Variants in C1orf159 observed in about 807,000 individuals in gnomAD.
C1orf159 encodes the protein uncharacterized protein C1orf159.
C1orf159 carries 19 observed loss-of-function variants against 25.6 expected under a neutral mutation model. The ratio of observed to expected loss-of-function variants is 0.74; its 90% CI spans 0.52 to 1.09. The LOEUF is 1.09. Ranked by LOEUF, C1orf159 falls within the 50% of genes least tolerant of loss-of-function variation. The pLI, the probability that C1orf159 is intolerant of heterozygous loss-of-function variation, is 0.00. For synonymous variants in C1orf159, 139 were observed against 124.7 expected, an observed-to-expected ratio of 1.12 and a Z score of -0.77; for missense variants, 274 against 290.6, an observed-to-expected ratio of 0.94 and a Z score of 0.42.
chr1:1,091,707 G>T (rs1232699302), intron 2 of C1orf159, 142 bp from the exon 3 acceptor site: 4 of 624,884 alleles, frequency 6.4e-6, no homozygotes, highest in Non-Finnish European at 1.2e-5. Context: ...GGAGATGGGT[G>T]GGGCTGTGGT....
chr1:1,093,410 A>T (rs1645967533), intron 1 of C1orf159, among the ~76,000 whole-genome samples: 1 of 152,232 alleles, frequency 6.6e-6, no homozygotes, highest in Non-Finnish European at 1.5e-5. Context: ...ACATCCGTGT[A>T]AAGTACACAA....
intron 1 of C1orf159, chr1:1,092,460 AC>A (rs1645955443): frequency 6.5e-6 from 1 of 154,792 alleles, no homozygotes; most frequent in Non-Finnish European, 1.4e-5. Context: ...CAGCCACAGG[AC>A]CTGTTACCAT....
Position 1,091,475 on chromosome 1 carries a change from G to C in C1orf159, c.69C>G (p.Asn23Lys). 6.5e-7 allele frequency: 1 copy of C among 1,550,372 alleles called. No individual in the cohort carries two copies. The change falls in exon 3 of 10, where the codon AAC (asparagine) becomes AAG (lysine). Residue 23 changes from asparagine to lysine, a missense_variant. By Grantham distance (94) the Asn-to-Lys change is moderately conservative. Transcript: ENST00000421241. ...LVGVASKSME[N>K]TAQLPECCVD... ...GACACGTGAGGGGGGCACCTACCGT[G>C]TTCTCCATGGACTTGCTGGCGACTC...
rs1381309796 is a variant in C1orf159 at position 1,087,869 on chromosome 1, G to A, written c.149-272C>T. ...TGCACTCTCCACGCCGAGCACCCCG[G>A]CCCCGAGTACTCCACGCTGCACTCT... On this transcript the variant is annotated intron_variant, in intron 4 of 9. Transcript: ENST00000421241. This position sits in a 1 kb window ranked among gnomAD's most constrained non-coding sequence, Gnocchi z 8.3. 1.4e-5 allele frequency among the ~76,000 whole-genome samples: 2 copies of A among 147,486 alleles called. No homozygotes were observed. Among genetic ancestry groups the A allele is most frequent in the African/African-American group, 2.5e-5 (1 of 40,210 alleles).
chr1:1,086,034 CAGACGGGCAGGACGG>C lies in C1orf159; in HGVS notation c.311-37_311-23del, dbSNP rs781618896. On this transcript the variant is annotated intron_variant, in intron 6 of 9. Coordinates refer to ENST00000421241, the MANE Select transcript of C1orf159 (RefSeq NM_017891.5). ...GCCCCTGCAAACAGACACCGCTGAG[CAGACGGGCAGGACGG>C]TGGCCCTGGCTCCTCGCCTGGCCCC... 13 of 1,611,594 alleles carry C rather than the reference CAGACGGGCAGGACGG, an allele frequency of 8.1e-6. No individual in the cohort carries two copies. In the Middle Eastern group the frequency reaches 6.8e-4, roughly 84 times the overall value.
At chr1:1,098,695 T>TGAAG (rs1646044890) in intron 1 of C1orf159, among the ~76,000 whole-genome samples, 9 of 152,146 alleles carry the variant, frequency 5.9e-5, no homozygotes, top group Admixed American at 5.9e-4. Context: ...CTCGGGTCAC[T>TGAAG]CCGTCTTTTG....
Position 1,087,018 on chromosome 1 carries a change from G to A in C1orf159, c.310+121C>T. On this transcript the variant is annotated intron_variant, in intron 6 of 9. Coordinates refer to ENST00000421241, the MANE Select transcript of C1orf159 (RefSeq NM_017891.5). This position sits in a 1 kb window ranked among gnomAD's most constrained non-coding sequence, Gnocchi z 8.3. The stretch of plus-strand genomic sequence containing the variant: ...TGCAGGGGCTGCCACGCTCCCCTCT[G>A]GCTGTTTTGCAGAACCCTGAGCCTG... 1 of 1,023,198 alleles carries A rather than the reference G, an allele frequency of 9.8e-7. No homozygotes were observed. The highest frequency in any genetic ancestry group is 2.6e-5 in the East Asian group (1 of 37,834). The allele number at this position is 1,023,198 out of a possible 1,614,324, so 63.4% of individuals were successfully genotyped here.
intron 1 of C1orf159, among the ~76,000 whole-genome samples, chr1:1,107,114 A>AT (rs1646185622): frequency 6.6e-6 from 1 of 152,160 alleles, no homozygotes. Context: ...GCGGCACCCG[A>AT]TCCCATCAAC....
intron 1 of C1orf159, among the ~76,000 whole-genome samples, chr1:1,103,168 A>G (rs982873603): frequency 2.6e-5 from 4 of 152,170 alleles, no homozygotes; most frequent in Admixed American, 6.5e-5. Context: ...TTGACCTAAA[A>G]TTCCCATTTG....
At chr1:1,091,350 C>A (rs1351321543) in intron 3 of C1orf159, 122 bp downstream of exon 3, 4 of 982,608 alleles carry the variant, frequency 4.1e-6, no homozygotes, top group Middle Eastern at 2.1e-4. Flanking sequence ...CTGGTCAGCA[C>A]CTCTGGGGCT....
At chr1:1,114,479 G>C (rs542765310) in intron 1 of C1orf159, among the ~76,000 whole-genome samples, 40 of 152,338 alleles carry the variant, frequency 2.6e-4, no homozygotes, top group Non-Finnish European at 4.4e-4. Context: ...CAGGTGGAGA[G>C]CAGCCGCAAG....
In C1orf159 at chr1:1,089,200, A is replaced by G. The variant is rs1322035034; in HGVS notation, c.148+1153T>C. ...GACGGTCCCCACCCTGCGCCTGTGC[A>G]TGGGGCCACCTCGGCCCTTGGACTT... On this transcript the variant is annotated intron_variant, in intron 4 of 9. Transcript: ENST00000421241. The surrounding 1 kb of genome is among the most constrained non-coding windows in gnomAD (Gnocchi z 7.5). Among the ~76,000 whole-genome samples, 3 of 152,042 alleles carry G rather than the reference A, an allele frequency of 2.0e-5. No individual in the cohort carries two copies. Among genetic ancestry groups the G allele is most frequent in the African/African-American group, 4.8e-5 (2 of 41,406 alleles).
intron 1 of C1orf159, among the ~76,000 whole-genome samples, chr1:1,095,487 A>G (rs1021757728): frequency 2.6e-5 from 4 of 152,248 alleles, no homozygotes; most frequent in Non-Finnish European, 4.4e-5. Context: ...TGCTGCTACT[A>G]TATAACGATA....
At chr1:1,086,047 C>CG in intron 6 of C1orf159, 35 bp from the exon 7 acceptor site, 2 of 1,608,238 alleles carry the variant, frequency 1.2e-6, no homozygotes. Context: ...ACGGGCAGGA[C>CG]GGTGGCCCTG....
Position 1,115,453 on chromosome 1 carries a change from C to T in C1orf159, c.-136+607G>A, listed in dbSNP as rs539141931. ...GCCGGGAAGGCGAGGCGAACGCGCCCCCTTTCTTCCCCCGGGCGCCCGTCC... is the reference window on the plus strand; with the variant it reads ...GCCGGGAAGGCGAGGCGAACGCGCCTCCTTTCTTCCCCCGGGCGCCCGTCC... On this transcript the variant is annotated intron_variant, in intron 1 of 9. Transcript: ENST00000421241. Among the ~76,000 whole-genome samples the T allele has an allele frequency of 1.8e-4, 28 of 151,946 alleles. 1 individual carries two copies. In the South Asian group the frequency reaches 5.8e-3, roughly 32 times the overall value.
intron 3 of C1orf159, chr1:1,091,072 C>T: frequency 9.2e-7 from 1 of 1,081,816 alleles, no homozygotes; most frequent in South Asian, 1.5e-5. Context: ...CAGGTCCGGT[C>T]CCTCAAACGC....
chr1:1,094,203 T>C (rs1373658054), intron 1 of C1orf159, among the ~76,000 whole-genome samples: 1 of 151,714 alleles, frequency 6.6e-6, no homozygotes, highest in African/African-American at 2.4e-5. Flanking sequence ...GCTTACGCGA[T>C]ACTCCTACAT....
At chr1:1,091,709 G>A (rs1271522930) in intron 2 of C1orf159, 144 bp from the exon 3 acceptor site, 3 of 614,340 alleles carry the variant, frequency 4.9e-6, no homozygotes, top group Admixed American at 4.5e-5. Context: ...AGATGGGTGG[G>A]GCTGTGGTGG....
chr1:1,089,952 G>A lies in C1orf159; in HGVS notation c.148+401C>T, dbSNP rs550515939. Among the ~76,000 whole-genome samples, 19 of 152,286 alleles carry A rather than the reference G, an allele frequency of 1.2e-4. No individual in the cohort carries two copies. In the South Asian group the frequency reaches 2.9e-3, roughly 23 times the overall value. On this transcript the variant is annotated intron_variant, in intron 4 of 9. Coordinates refer to ENST00000421241, the MANE Select transcript of C1orf159 (RefSeq NM_017891.5). The surrounding 1 kb of genome is among the most constrained non-coding windows in gnomAD (Gnocchi z 7.5). ...CCTGTTGATTGGCATTCCACTCCAC[G>A]CACCAGGGGCCAGCAGCACCTCTGC... is the stretch of plus-strand genomic sequence containing the variant.
Sources: allele counts gnomAD v4.1 joint callset (sites outside exome capture counted in the v4.1 genomes callset), GRCh38; gene constraint gnomAD v4.1.1; non-coding constraint Gnocchi (gnomAD v3.1); transcripts MANE v1.5; gene names NCBI Gene and HGNC (gene_info 2026-07-23, HGNC 2026-07-21).